Variants in SECISBP2L observed in about 807,000 individuals in gnomAD.
The protein encoded by SECISBP2L is selenocysteine insertion sequence-binding protein 2-like.
SECISBP2L carries 43 observed loss-of-function variants against 114.7 expected under a neutral mutation model. That is an observed-to-expected ratio of 0.38 (90% CI 0.29 to 0.48). The LOEUF is 0.48. Among genes scored for constraint, SECISBP2L ranks in the 20% least tolerant of loss-of-function variants. The pLI, the probability that SECISBP2L is intolerant of heterozygous loss-of-function variation, is 0.98. For missense variants in SECISBP2L, 1,136 were observed against 1,301.1 expected (o/e 0.87, Z 1.95); for synonymous variants, 451 against 439.7 (o/e 1.03, Z -0.32).
At chr15:49,013,923 G>C (rs899153270) in intron 11 of SECISBP2L, among the ~76,000 whole-genome samples, 1 of 151,910 alleles carries the variant, frequency 6.6e-6, no homozygotes, top group East Asian at 1.9e-4. Flanking sequence ...TAAGATGCTA[G>C]AATCTTCTAT....
intron 4 of SECISBP2L, among the ~76,000 whole-genome samples, chr15:49,031,146 T>A (rs1280474667): frequency 6.6e-6 from 1 of 150,630 alleles, no homozygotes; most frequent in Non-Finnish European, 1.5e-5. Context: ...CCTACCAGGT[T>A]CAAGTGATTC....
At chr15:49,011,316 A>G (rs901270983) in intron 13 of SECISBP2L, among the ~76,000 whole-genome samples, 10 of 152,224 alleles carry the variant, frequency 6.6e-5, no homozygotes, top group Admixed American at 3.9e-4. Context: ...TCATTGTGAC[A>G]TATGTATTAA....
intron 4 of SECISBP2L, among the ~76,000 whole-genome samples, chr15:49,030,491 G>A (rs892187176): frequency 3.9e-5 from 6 of 152,168 alleles, no homozygotes; most frequent in African/African-American, 1.4e-4. Context: ...GACAGGGTGG[G>A]ATCATTCTCT....
chr15:49,029,953 T>C (rs2141080737), intron 4 of SECISBP2L, among the ~76,000 whole-genome samples: 1 of 151,624 alleles, frequency 6.6e-6, no homozygotes, highest in East Asian at 1.9e-4. Flanking sequence ...GAAATTTTTA[T>C]TAATATTACT....
chr15:49,030,415 A>G (rs981443012), intron 4 of SECISBP2L, among the ~76,000 whole-genome samples: 4 of 152,192 alleles, frequency 2.6e-5, no homozygotes, highest in African/African-American at 9.7e-5. Flanking sequence ...ACTGCGTCCA[A>G]AGAAAAATTC....
At chr15:49,028,020 C>T in intron 6 of SECISBP2L, 124 bp downstream of exon 6, 1 of 851,902 alleles carries the variant, frequency 1.2e-6, no homozygotes, top group South Asian at 1.6e-5. Flanking sequence ...TTCCAAATTA[C>T]CTTGAATCTC....
Position 48,999,951 on chromosome 15 carries a change from A to T in SECISBP2L, c.2285T>A (p.Met762Lys). Reference sequence around the variant, plus strand: ...AAAAGGAATTTCTTGTTCCCGTGCCATGGCTATAACATTATAGAGAGCCTC... The same window carrying T: ...AAAAGGAATTTCTTGTTCCCGTGCCTTGGCTATAACATTATAGAGAGCCTC... Reference protein sequence around the residue: ...LDEALYNVIAMAREQEIPFVF... With the variant: ...LDEALYNVIAKAREQEIPFVF... Residue 762 changes from methionine (M) to lysine (K), a missense_variant, in exon 16 of 18, where the codon ATG becomes AAG. Met to Lys is a moderately conservative substitution (Grantham distance 95). Coordinates refer to ENST00000559471, the MANE Select transcript of SECISBP2L (RefSeq NM_001193489.2). The T allele has an allele frequency of 6.2e-7, 1 of 1,614,002 alleles. No individual in the cohort carries two copies. Among genetic ancestry groups the T allele is most frequent in the Non-Finnish European group, 8.5e-7 (1 of 1,179,912 alleles).
At chr15:48,996,020 G>GC (rs1436163919) in intron 17 of SECISBP2L, 2 of 235,730 alleles carry the variant, frequency 8.5e-6, no homozygotes, top group Non-Finnish European at 1.7e-5. Flanking sequence ...CTTCAGACCA[G>GC]CCCTTAGGAA....
chr15:48,996,702 A>G, intron 16 of SECISBP2L, 116 bp from the exon 17 acceptor site: 1 of 831,992 alleles, frequency 1.2e-6, no homozygotes, highest in Non-Finnish European at 1.9e-6. Context: ...AATGAGGACA[A>G]AATCCAAATG....
intron 3 of SECISBP2L, among the ~76,000 whole-genome samples, chr15:49,035,082 T>A (rs951895368): frequency 6.6e-6 from 1 of 152,234 alleles, no homozygotes; most frequent in Non-Finnish European, 1.5e-5. Context: ...TGTAAATATT[T>A]CTGCCTTATG....
At chr15:49,007,930 C>T (rs1192956115) in intron 14 of SECISBP2L, among the ~76,000 whole-genome samples, 1 of 152,110 alleles carries the variant, frequency 6.6e-6, no homozygotes, top group Non-Finnish European at 1.5e-5. Flanking sequence ...AAATCACATG[C>T]CTTTACATCA....
In SECISBP2L at chr15:48,992,322, A is replaced by T. The variant is rs756561035; in HGVS notation, c.3228T>A (p.Pro1076=). ...TGCAGTTGCTGGACTTCTGCTGCCC[A>T]GGACTGGCCTGCTGGTCAGCAGTCC... ...EAWTADQQAS[P]GQQKSSNCSS... is the part of the protein sequence containing the mutation. Residue 1076 remains proline, a synonymous_variant, in exon 18 of 18, where the codon CCT becomes CCA. Coordinates refer to ENST00000559471, the MANE Select transcript of SECISBP2L (RefSeq NM_001193489.2). 6.2e-7 allele frequency: 1 copy of T among 1,614,170 alleles called. No homozygotes were observed. The highest frequency in any genetic ancestry group is 1.1e-5 in the South Asian group (1 of 91,080).
intron 7 of SECISBP2L, among the ~76,000 whole-genome samples, chr15:49,025,234 A>T (rs1007368240): frequency 7.9e-5 from 12 of 151,364 alleles, no homozygotes; most frequent in Admixed American, 3.3e-4. Flanking sequence ...AGAGTGAATT[A>T]TTTTTTTTTG....
intron 7 of SECISBP2L, among the ~76,000 whole-genome samples, chr15:49,024,240 G>A (rs2141076648): frequency 6.6e-6 from 1 of 152,270 alleles, no homozygotes; most frequent in South Asian, 2.1e-4. Context: ...GCTCACCCCT[G>A]TAATCCCAAT....
At chr15:49,017,683 T>A in intron 8 of SECISBP2L, 55 bp from the exon 9 acceptor site, 1 of 1,181,804 alleles carries the variant, frequency 8.5e-7, no homozygotes, top group Non-Finnish European at 1.2e-6. Flanking sequence ...CCTAAACTTT[T>A]TATAATGCTT....
chr15:48,999,812 G>A, intron 16 of SECISBP2L, 21 bp downstream of exon 16: 2 of 1,611,086 alleles, frequency 1.2e-6, no homozygotes, highest in South Asian at 1.1e-5. Flanking sequence ...GAGCAAGAGT[G>A]TGTGTCTTCT....
rs1902196385 is a variant in SECISBP2L, at chr15:49,001,020, TCC to T, written c.2103_2104del (p.Glu702ThrfsTer42). ...TACAGGATCTTTTTGGTAGATGCGTTCCTGGAAACTGACAAGCTCTTGGAGAA... is the reference window on the plus strand; with the variant it reads ...TACAGGATCTTTTTGGTAGATGCGTTTGGAAACTGACAAGCTCTTGGAGAA... On this transcript the variant is annotated frameshift_variant, in exon 15 of 18. Coordinates refer to ENST00000559471, the MANE Select transcript of SECISBP2L (RefSeq NM_001193489.2). LOFTEE classifies it high-confidence loss of function. 2 of 1,613,854 alleles carry T rather than the reference TCC, an allele frequency of 1.2e-6. No homozygotes were observed. The highest frequency in any genetic ancestry group is 2.7e-5 in the African/African-American group (2 of 75,034).
intron 17 of SECISBP2L, among the ~76,000 whole-genome samples, 174 bp from the exon 18 acceptor site, chr15:48,993,100 A>AGAGAGTGTGTGTGTGTGTGTGTGT (rs772299775): frequency 5.7e-5 from 8 of 139,222 alleles, no homozygotes; most frequent in African/African-American, 1.7e-4. Flanking sequence ...ACAGAGAGAG[A>AGAGAGTGTGTGTGTGTGTGTGTGT]GTGTGTGTGT....
intron 3 of SECISBP2L, among the ~76,000 whole-genome samples, chr15:49,034,883 A>C (rs1184991084): frequency 1.3e-5 from 2 of 151,952 alleles, no homozygotes; most frequent in African/African-American, 4.8e-5. Context: ...GACTGGTCTC[A>C]AACTCTTGGG....
Sources: gnomAD v4.1 joint callset for allele counts (sites outside exome capture counted in the v4.1 genomes callset) on GRCh38, gnomAD v4.1.1 for gene constraint, MANE v1.5 for transcripts, NCBI Gene and HGNC (gene_info 2026-07-23, HGNC 2026-07-21) for gene names.